GREB1: variants seen among roughly 807,000 people sequenced by gnomAD.
GREB1 encodes protein GREB1.
GREB1 carries 106 observed loss-of-function variants against 200.7 expected under a neutral mutation model. The observed-to-expected ratio is 0.53, with a 90% CI of 0.45 to 0.62. The LOEUF (loss-of-function observed/expected upper bound fraction) is 0.62. Among genes scored for constraint, GREB1 ranks in the 20% least tolerant of loss-of-function variants. GREB1 has a pLI of 0.00. For missense variants in GREB1, 2,243 were observed against 2,556.8 expected, an observed-to-expected ratio of 0.88 and a Z score of 2.65; for synonymous variants, 1,132 against 1,092.4, an observed-to-expected ratio of 1.04 and a Z score of -0.72.
intron 1 of GREB1, among the ~76,000 whole-genome samples, chr2:11,508,855 C>A (rs1419389602): frequency 6.6e-6 from 1 of 151,336 alleles, no homozygotes; most frequent in Non-Finnish European, 1.5e-5. Context: ...AAAGGTGAAT[C>A]CAAATTTTTC....
chr2:11,582,540 G>A (rs1334898254), intron 7 of GREB1, among the ~76,000 whole-genome samples: 1 of 152,234 alleles, frequency 6.6e-6, no homozygotes, highest in Non-Finnish European at 1.5e-5. Flanking sequence ...CACCTGCTCT[G>A]TGCAGGAGGG....
At chr2:11,612,283 C>G in intron 18 of GREB1, 1 of 1,267,582 alleles carries the variant, frequency 7.9e-7, no homozygotes, top group South Asian at 1.6e-5. Flanking sequence ...CTTGGACATG[C>G]TCTGGCTGGC....
intron 1 of GREB1, among the ~76,000 whole-genome samples, chr2:11,521,663 C>T (rs1259806768): frequency 3.3e-5 from 5 of 152,288 alleles, no homozygotes; most frequent in Non-Finnish European, 7.4e-5. Flanking sequence ...AAATCAGCTA[C>T]GGAGCCTCTC....
At chr2:11,576,256 G>A (rs975090776) in intron 4 of GREB1, 97 bp from the exon 5 acceptor site, 26 of 972,772 alleles carry the variant, frequency 2.7e-5, no homozygotes, top group East Asian at 9.6e-5. Flanking sequence ...GCAGCGAGCC[G>A]AGATCGCACC....
intron 32 of GREB1, 103 bp downstream of exon 32, chr2:11,638,912 T>A: frequency 8.4e-7 from 1 of 1,183,956 alleles, no homozygotes; most frequent in Non-Finnish European, 1.2e-6. Flanking sequence ...TGCCCATGGG[T>A]AAACTGAGGA....
At chr2:11,502,779 T>C (rs1185427495) in intron 1 of GREB1, among the ~76,000 whole-genome samples, 1 of 152,232 alleles carries the variant, frequency 6.6e-6, no homozygotes, top group African/African-American at 2.4e-5. Context: ...ATATGTTATC[T>C]GGAGCACTTC....
chr2:11,590,854 TTCCCAAGGAGAGGGGCTGA>T (rs1415261127), intron 10 of GREB1, among the ~76,000 whole-genome samples: 7 of 152,086 alleles, frequency 4.6e-5, no homozygotes, highest in African/African-American at 1.2e-4. Flanking sequence ...AAAAAAAGCA[TTCCCAAGGAGAGGGGCTGA>T]TCCCAAGGAG....
chr2:11,587,693 TAA>T lies in GREB1; in HGVS notation c.1160-1052_1160-1051del, dbSNP rs1491529059. ...TAAATGGAGTACCTGGAGTACAAGA[TAA>T]CACACACACACACACACACACACAC... On this transcript the variant is annotated intron_variant, in intron 9 of 32. Transcript: ENST00000381486. 2,229 of 980,230 alleles carry T rather than the reference TAA, an allele frequency of 2.3e-3. 61 individuals carry two copies. The African/African-American group carries it at 0.036, about 16-fold the overall frequency. 60.7% of individuals were successfully genotyped at this position (980,230 alleles called of 1,614,324 possible).
At position 11,615,074 on chromosome 2, in the gene GREB1, C is replaced by T; in HGVS notation, c.3123-17C>T. On this transcript the variant is annotated splice_polypyrimidine_tract_variant and intron_variant, in intron 19 of 32. Coordinates refer to ENST00000381486, the MANE Select transcript of GREB1 (RefSeq NM_014668.4). ...GTGGAAGGCACTAAACAGACACCTT[C>T]TTCTGTGTCTTGCTAGGTCTTTGAG... 6.3e-7 allele frequency: 1 copy of T among 1,593,200 alleles called. No homozygotes were observed. Among genetic ancestry groups the T allele is most frequent in the Non-Finnish European group, 8.6e-7 (1 of 1,160,936 alleles).
At chr2:11,625,122 T>G in intron 23 of GREB1, 32 bp from the exon 24 acceptor site, 1 of 1,568,938 alleles carries the variant, frequency 6.4e-7, no homozygotes, top group Non-Finnish European at 8.8e-7. Context: ...ACTTCCTATT[T>G]TGTCACATCT....
In GREB1 at chr2:11,600,930, C is replaced by T. The variant is rs371784133; in HGVS notation, c.2464C>T (p.Leu822=). 4 of 1,614,070 alleles carry T rather than the reference C, an allele frequency of 2.5e-6. No homozygotes were observed. Among genetic ancestry groups the T allele is most frequent in the African/African-American group, 2.7e-5 (2 of 74,926 alleles). Residue 822 remains leucine (L), a synonymous_variant, in exon 16 of 33, where the codon CTG becomes TTG. Coordinates refer to ENST00000381486, the MANE Select transcript of GREB1 (RefSeq NM_014668.4). The part of the protein sequence containing the change: ...TLHVTSFPYA[L]QTQHTLISPY... The stretch of plus-strand genomic sequence containing the variant: ...TCACGTGACCTCCTTCCCGTATGCA[C>T]TGCAGACACAGCACACCCTCATCAG...
intron 9 of GREB1, chr2:11,588,082 CG>C (rs1680349095): frequency 2.0e-6 from 1 of 499,148 alleles, no homozygotes; most frequent in Non-Finnish European, 2.6e-6. Context: ...AAAAATTGGC[CG>C]GGTGTGGTGG....
intron 10 of GREB1, among the ~76,000 whole-genome samples, chr2:11,589,275 G>A (rs1558595134): frequency 6.6e-6 from 1 of 152,222 alleles, no homozygotes; most frequent in Non-Finnish European, 1.5e-5. Flanking sequence ...AGGTAAAGAT[G>A]GGTGCATGCA....
chr2:11,506,391 A>G (rs150530976), intron 1 of GREB1, among the ~76,000 whole-genome samples: 242 of 152,274 alleles, frequency 1.6e-3, no homozygotes, highest in African/African-American at 5.4e-3. Flanking sequence ...CAGGGAGGCC[A>G]ATGGTAAGAG....
At chr2:11,598,639 C>T (rs1865575) in intron 14 of GREB1, 41 bp from the exon 15 acceptor site, 1,558,331 of 1,585,942 alleles carry the variant, frequency 0.98, 767,348 homozygotes, top group Non-Finnish European at 1. Context: ...AAACCCAGTG[C>T]GCATGTTTGC....
chr2:11,518,747 C>CAAA lies in GREB1; in HGVS notation c.-159+36378_-159+36380dup, dbSNP rs11417674. Among the ~76,000 whole-genome samples the CAAA allele has an allele frequency of 5.7e-3, 580 of 102,564 alleles. 4 individuals are homozygous for CAAA. Among genetic ancestry groups the CAAA allele is most frequent in the Middle Eastern group, 0.023 (4 of 172 alleles). 67.3% of individuals were successfully genotyped at this position (102,564 alleles called of 152,430 possible). A position where few individuals can be genotyped will look rare whatever the true frequency, so the allele number is the denominator to read the frequency against. On this transcript the variant is annotated intron_variant, in intron 1 of 2. Coordinates refer to the GREB1 transcript ENST00000628795. ...GTAGATAGGGCAGTAAAGTGAAATA[C>CAAA]AAAAAAAAAAAAAAGAAAAAGCGCA...
chr2:11,605,451 C>T (rs1361641409), intron 17 of GREB1, among the ~76,000 whole-genome samples: 1 of 152,054 alleles, frequency 6.6e-6, no homozygotes, highest in Non-Finnish European at 1.5e-5. Context: ...GTCTCAAACT[C>T]CTGACTTCAT....
At chr2:11,576,890 C>G (rs1166457102) in intron 5 of GREB1, among the ~76,000 whole-genome samples, 1 of 152,010 alleles carries the variant, frequency 6.6e-6, no homozygotes, top group Admixed American at 6.6e-5. Flanking sequence ...CAAAAGTTAG[C>G]CGGCCATGGT....
chr2:11,605,144 CTTTTTT>C (rs3035991), intron 17 of GREB1, among the ~76,000 whole-genome samples: 10 of 44,818 alleles, frequency 2.2e-4, no homozygotes, highest in South Asian at 1.6e-3. Flanking sequence ...GAGCCTGCTT[CTTTTTT>C]TTTTTTTTTT....
Sources: allele counts gnomAD v4.1 joint callset (sites outside exome capture counted in the v4.1 genomes callset), GRCh38; gene constraint gnomAD v4.1.1; transcripts MANE v1.5; gene names NCBI Gene and HGNC (gene_info 2026-07-23, HGNC 2026-07-21).